The following MATN2 variants were observed in gnomAD, a reference collection of about 807,000 sequenced individuals.
The protein encoded by MATN2 is matrilin-2.
In MATN2, 69 loss-of-function variants were observed where a neutral mutation model predicts 103.2. The observed-to-expected ratio is 0.67, with a 90% CI of 0.55 to 0.82. The LOEUF (loss-of-function observed/expected upper bound fraction) is 0.82, where lower values mean the gene tolerates loss of function less well. Ranked by LOEUF, MATN2 falls within the 40% of genes least tolerant of loss-of-function variation. The pLI is 0.00. For synonymous variants in MATN2, 429 were observed against 450.2 expected (o/e 0.95, Z 0.60); for missense variants, 1,023 against 1,211.5 (o/e 0.84, Z 2.31).
At position 98,027,756 on chromosome 8, in the gene MATN2, A is replaced by G. The variant is rs1341834090; in HGVS notation, c.2283A>G (p.Arg761=). The change falls in exon 14 of 19, where the codon AGA becomes AGG. Residue 761 remains arginine, a synonymous_variant. Transcript: ENST00000254898. ...GGCCCCTTTCCACAAGGGTGCCCAG[A>G]GCAGCCATTGTGTTCACCGACGGAC... is the stretch of plus-strand genomic sequence containing the variant. ...GARPLSTRVP[R]AAIVFTDGRA... is the part of the protein sequence containing the mutation. The G allele has an allele frequency of 1.2e-6, 2 of 1,611,296 alleles. No individual in the cohort carries two copies. Among genetic ancestry groups the G allele is most frequent in the Non-Finnish European group, 1.7e-6 (2 of 1,179,122 alleles).
chr8:97,873,514 T>C (rs1341876461), intron 1 of MATN2, among the ~76,000 whole-genome samples: 2 of 152,054 alleles, frequency 1.3e-5, no homozygotes, highest in Non-Finnish European at 2.9e-5. Context: ...GTATGTTTAG[T>C]AGAGACAGGG....
At chr8:97,877,531 G>T (rs1316713276) in intron 1 of MATN2, among the ~76,000 whole-genome samples, 1 of 149,000 alleles carries the variant, frequency 6.7e-6, no homozygotes, top group Non-Finnish European at 1.5e-5. Context: ...ATATTGCCCA[G>T]ACTGGTCTCA....
chr8:97,954,034 C>T (rs1029427296), intron 4 of MATN2, among the ~76,000 whole-genome samples: 4 of 152,162 alleles, frequency 2.6e-5, no homozygotes, highest in African/African-American at 9.7e-5. Flanking sequence ...TCTAGATTAT[C>T]TCACTCAACC....
chr8:98,034,416 A>C (rs1814160462), intron 18 of MATN2: 1 of 299,068 alleles, frequency 3.3e-6, no homozygotes, highest in East Asian at 7.5e-5. Context: ...AAATGGCTTA[A>C]TTCTGAACTA....
rs191074721 is a variant in MATN2, at chr8:97,994,688, G to C, written c.1204+86G>C. 1.9e-5 allele frequency: 27 copies of C among 1,432,116 alleles called. No homozygotes were observed. The East Asian group carries it at 5.8e-4, about 31-fold the overall frequency. The allele number at this position is 1,432,116 out of a possible 1,614,324, so 88.7% of individuals were successfully genotyped here. A position where few individuals can be genotyped will look rare whatever the true frequency, so the allele number is the denominator to read the frequency against. ...TCCTTTCCGTGCAAATCTTAAGCAAGATGTGCTTGTATTCAGCATTGTGTC... is the reference window on the plus strand; with the variant it reads ...TCCTTTCCGTGCAAATCTTAAGCAACATGTGCTTGTATTCAGCATTGTGTC... On this transcript the variant is annotated intron_variant, in intron 7 of 18. Coordinates refer to ENST00000254898, the MANE Select transcript of MATN2 (RefSeq NM_002380.5).
intron 12 of MATN2, 114 bp from the exon 13 acceptor site, chr8:98,021,089 AAG>A: frequency 1.0e-6 from 1 of 976,442 alleles, no homozygotes; most frequent in Non-Finnish European, 1.5e-6. Flanking sequence ...AGGAGGTTTG[AAG>A]AGAGGTGTAT....
In MATN2 at chr8:97,908,584, A is replaced by G. The variant is rs138267172; in HGVS notation, c.142+20342A>G. ...ATTAACTTTTATCTTTTATTTACCTATTTGACCATCTACTGTACTGACTTA... is the reference window on the plus strand; with the variant it reads ...ATTAACTTTTATCTTTTATTTACCTGTTTGACCATCTACTGTACTGACTTA... On this transcript the variant is annotated intron_variant, in intron 2 of 18. Coordinates refer to ENST00000254898, the MANE Select transcript of MATN2 (RefSeq NM_002380.5). Among the ~76,000 whole-genome samples, 927 of 152,254 alleles carry G rather than the reference A, an allele frequency of 6.1e-3. 15 individuals are homozygous for G. Among genetic ancestry groups the G allele is most frequent in the African/African-American group, 0.021 (880 of 41,544 alleles).
intron 2 of MATN2, among the ~76,000 whole-genome samples, chr8:97,922,757 C>T (rs1809853718): frequency 6.6e-6 from 1 of 152,208 alleles, no homozygotes; most frequent in African/African-American, 2.4e-5. Context: ...AGGTAGTCAA[C>T]CACTCCCTCA....
At chr8:97,893,597 T>TTTATTTAA (rs58634993) in intron 2 of MATN2, among the ~76,000 whole-genome samples, 12,710 of 77,614 alleles carry the variant, frequency 0.16, 575 homozygotes, top group South Asian at 0.21. Flanking sequence ...TATTTATTTA[T>TTTATTTAA]GATAGAGTCT....
intron 2 of MATN2, among the ~76,000 whole-genome samples, chr8:97,894,608 C>T (rs766975910): frequency 6.6e-6 from 1 of 152,130 alleles, no homozygotes; most frequent in Non-Finnish European, 1.5e-5. Flanking sequence ...AAGTGTGAAC[C>T]ATTCCTCCTG....
Position 97,961,405 on chromosome 8 carries a change from C to G in MATN2, c.836-3C>G. 1.2e-6 allele frequency: 2 copies of G among 1,609,240 alleles called. No homozygotes were observed. Among genetic ancestry groups the G allele is most frequent in the Non-Finnish European group, 1.7e-6 (2 of 1,177,532 alleles). On this transcript the variant is annotated splice_polypyrimidine_tract_variant and splice_region_variant and intron_variant, in intron 4 of 18. Coordinates refer to ENST00000254898, the MANE Select transcript of MATN2 (RefSeq NM_002380.5). Reference sequence around the variant, plus strand: ...GTGTTCTAACATCGTGACTTTGCCTCAGTCCAGGATCTGTGTGCCATGGAG... The same window carrying G: ...GTGTTCTAACATCGTGACTTTGCCTGAGTCCAGGATCTGTGTGCCATGGAG...
At chr8:97,902,920 T>G (rs567346917) in intron 2 of MATN2, among the ~76,000 whole-genome samples, 2 of 152,158 alleles carry the variant, frequency 1.3e-5, no homozygotes, top group Non-Finnish European at 2.9e-5. Context: ...ATGCCCAGCC[T>G]TCTTGGTGCA....
chr8:97,885,075 T>C (rs901897463), intron 1 of MATN2, among the ~76,000 whole-genome samples: 2 of 152,200 alleles, frequency 1.3e-5, no homozygotes, highest in African/African-American at 4.8e-5. Flanking sequence ...AATACAAACA[T>C]TTCTTGAAAT....
chr8:97,892,488 T>A (rs1333937413), intron 2 of MATN2, among the ~76,000 whole-genome samples: 2 of 152,130 alleles, frequency 1.3e-5, no homozygotes, highest in South Asian at 2.1e-4. Context: ...CGGTCTGGCT[T>A]CGTAGAAGAC....
At chr8:98,012,647 T>C (rs1408579501) in intron 10 of MATN2, among the ~76,000 whole-genome samples, 1 of 152,180 alleles carries the variant, frequency 6.6e-6, no homozygotes, top group East Asian at 1.9e-4. Flanking sequence ...AGAGACTTCC[T>C]GGCTGGCCTC....
chr8:98,006,614 C>G (rs551669838), intron 8 of MATN2, among the ~76,000 whole-genome samples: 16 of 152,170 alleles, frequency 1.1e-4, no homozygotes, highest in Admixed American at 3.9e-4. Flanking sequence ...TTGATCTTGA[C>G]CTTCCTGAGC....
At chr8:97,987,120 C>A (rs565863589) in intron 6 of MATN2, among the ~76,000 whole-genome samples, 1 of 151,998 alleles carries the variant, frequency 6.6e-6, no homozygotes, top group Non-Finnish European at 1.5e-5. Flanking sequence ...GGATTACAGG[C>A]GTGAGCCACC....
chr8:97,900,380 C>T (rs2130026207), intron 2 of MATN2, among the ~76,000 whole-genome samples: 1 of 152,248 alleles, frequency 6.6e-6, no homozygotes, highest in East Asian at 1.9e-4. Flanking sequence ...AGTTCAGAGC[C>T]CGGAGGGGCC....
intron 4 of MATN2, among the ~76,000 whole-genome samples, chr8:97,945,717 A>AAAAT (rs59472539): frequency 0.029 from 3,494 of 121,720 alleles, 66 homozygotes; most frequent in African/African-American, 0.046. Flanking sequence ...AAAAAAAAAA[A>AAAAT]ATATATATAT....
Sources: gnomAD v4.1 joint callset for allele counts (sites outside exome capture counted in the v4.1 genomes callset) on GRCh38, gnomAD v4.1.1 for gene constraint, MANE v1.5 for transcripts, NCBI Gene and HGNC (gene_info 2026-07-23, HGNC 2026-07-21) for gene names.